XRRA1: variants seen among roughly 807,000 people sequenced by gnomAD.
The protein encoded by XRRA1 is X-ray radiation resistance-associated protein 1.
XRRA1 carries 69 observed loss-of-function variants against 80.2 expected under a neutral mutation model. That is an observed-to-expected ratio of 0.86 (90% CI 0.71 to 1.05). The LOEUF is 1.05. Among genes scored for constraint, XRRA1 ranks in the 50% least tolerant of loss-of-function variants. The pLI, the probability that XRRA1 is intolerant of heterozygous loss-of-function variation, is 0.00. For synonymous variants in XRRA1, 348 were observed against 389.9 expected, an observed-to-expected ratio of 0.89 and a Z score of 1.27; for missense variants, 967 against 976.4, an observed-to-expected ratio of 0.99 and a Z score of 0.13.
At chr11:74,844,450 C>T (rs1416518239) in intron 16 of XRRA1, among the ~76,000 whole-genome samples, 167 bp from the exon 17 acceptor site, 2 of 152,150 alleles carry the variant, frequency 1.3e-5, no homozygotes, top group Admixed American at 1.3e-4. Flanking sequence ...GTTCCAGTGC[C>T]TGAAGTTCCA....
intron 10 of XRRA1, among the ~76,000 whole-genome samples, chr11:74,885,346 A>T (rs2048764587): frequency 6.6e-6 from 1 of 152,228 alleles, no homozygotes; most frequent in African/African-American, 2.4e-5. Flanking sequence ...CTAGATTAAT[A>T]AAAGAAAGAC....
intron 10 of XRRA1, among the ~76,000 whole-genome samples, chr11:74,868,754 CAAA>C (rs1388568131): frequency 2.7e-5 from 4 of 150,160 alleles, no homozygotes; most frequent in Non-Finnish European, 4.4e-5. Context: ...AAAAAAAAGA[CAAA>C]GAAGGATATT....
At chr11:74,850,607 C>A (rs1337392069) in intron 14 of XRRA1, among the ~76,000 whole-genome samples, 1 of 152,216 alleles carries the variant, frequency 6.6e-6, no homozygotes, top group Non-Finnish European at 1.5e-5. Context: ...ATTTCACTTA[C>A]TTTATGGCAA....
intron 10 of XRRA1, among the ~76,000 whole-genome samples, chr11:74,885,690 G>T (rs936291757): frequency 2.0e-5 from 3 of 152,078 alleles, no homozygotes; most frequent in Non-Finnish European, 4.4e-5. Context: ...ATTGAGGAAG[G>T]ACTCCTCCCT....
intron 15 of XRRA1, among the ~76,000 whole-genome samples, chr11:74,847,380 C>A (rs568597393): frequency 6.6e-6 from 1 of 152,216 alleles, no homozygotes; most frequent in Non-Finnish European, 1.5e-5. Context: ...CAAGGGGGCC[C>A]TGCCAACTCT....
Position 74,848,111 on chromosome 11 carries a change from G to A in XRRA1, c.1728+4C>T. The A allele has an allele frequency of 6.2e-7, 1 of 1,604,486 alleles. No individual in the cohort carries two copies. On this transcript the variant is annotated splice_donor_region_variant and intron_variant, in intron 15 of 18. Transcript: ENST00000684022. ...AGTGGGCAGGGGCAGCTGGATACAG[G>A]TACCTGGGTCAGGAAGATGGACTCT... is the stretch of plus-strand genomic sequence containing the variant.
chr11:74,945,629 C>G (rs1185260982), intron 1 of XRRA1, among the ~76,000 whole-genome samples: 1 of 149,838 alleles, frequency 6.7e-6, no homozygotes, highest in Non-Finnish European at 1.5e-5. Context: ...GTTACATTAT[C>G]TAAGACAAGT....
At chr11:74,915,658 T>C (rs935504009) in intron 8 of XRRA1, among the ~76,000 whole-genome samples, 8 of 152,208 alleles carry the variant, frequency 5.3e-5, no homozygotes, top group Non-Finnish European at 1.2e-4. Context: ...TGGATATAGA[T>C]TTGCCTTCCC....
chr11:74,948,101 G>A lies in XRRA1; in HGVS notation c.-73+827C>T, dbSNP rs1330190783. ...GGATATATCCCTGGTGACTAGAATA[G>A]TGCCTGTTACATAGTAAGAAACTCA... On this transcript the variant is annotated intron_variant, in intron 1 of 18. Coordinates refer to ENST00000684022, the MANE Select transcript of XRRA1 (RefSeq NM_001378157.1). 5.3e-5 allele frequency among the ~76,000 whole-genome samples: 8 copies of A among 152,172 alleles called. No homozygotes were observed. The East Asian group carries it at 1.5e-3, about 29-fold the overall frequency.
At chr11:74,861,445 G>C (rs1047186451) in intron 11 of XRRA1, among the ~76,000 whole-genome samples, 3 of 152,170 alleles carry the variant, frequency 2.0e-5, no homozygotes, top group African/African-American at 7.2e-5. Flanking sequence ...AGGGATCTAG[G>C]TTGTGTGCTC....
At chr11:74,883,482 C>G (rs10128626) in intron 10 of XRRA1, among the ~76,000 whole-genome samples, 1,760 of 152,228 alleles carry the variant, frequency 0.012, 48 homozygotes, top group African/African-American at 0.04. Flanking sequence ...CTGTGTCGCT[C>G]ACGCTGGGAG....
chr11:74,906,146 T>C (rs1355831123), intron 10 of XRRA1, 93 bp downstream of exon 10: 1 of 1,212,734 alleles, frequency 8.2e-7, no homozygotes, highest in Admixed American at 2.4e-5. Flanking sequence ...ATTCGTGATA[T>C]TCACCATGAC....
intron 10 of XRRA1, among the ~76,000 whole-genome samples, chr11:74,887,608 C>G (rs1373857847): frequency 6.6e-6 from 1 of 152,128 alleles, no homozygotes; most frequent in Non-Finnish European, 1.5e-5. Context: ...CGAGTGTGAG[C>G]CAAAGCAGGG....
chr11:74,943,559 G>GTGTGTGTGTGTGTGTT (rs1591662938), intron 2 of XRRA1, among the ~76,000 whole-genome samples: 1 of 134,814 alleles, frequency 7.4e-6, no homozygotes, highest in East Asian at 2.0e-4. Flanking sequence ...GTGTGTGTGT[G>GTGTGTGTGTGTGTGTT]TGTATGTGTC....
At chr11:74,881,500 G>A (rs1210681978) in intron 10 of XRRA1, among the ~76,000 whole-genome samples, 2 of 149,350 alleles carry the variant, frequency 1.3e-5, no homozygotes, top group East Asian at 4.0e-4. Flanking sequence ...ATTTGATCCT[G>A]TCATTATGAT....
chr11:74,906,580 G>T, intron 9 of XRRA1, 124 bp from the exon 10 acceptor site: 1 of 1,091,690 alleles, frequency 9.2e-7, no homozygotes, highest in Non-Finnish European at 1.3e-6. Flanking sequence ...GTGTGACGTT[G>T]AGCCGGTGAC....
intron 13 of XRRA1, among the ~76,000 whole-genome samples, chr11:74,851,667 A>G (rs1294037955): frequency 1.3e-5 from 2 of 152,200 alleles, no homozygotes; most frequent in African/African-American, 4.8e-5. Context: ...TGTGGTTCAA[A>G]AGAGCTCATA....
chr11:74,878,734 T>G (rs2046706359), intron 10 of XRRA1, among the ~76,000 whole-genome samples: 1 of 149,872 alleles, frequency 6.7e-6, no homozygotes, highest in Non-Finnish European at 1.5e-5. Flanking sequence ...CTTTCCCCAT[T>G]GCTTGTTTTT....
At chr11:74,850,761 C>T (rs1194921888) in intron 14 of XRRA1, 1 of 163,458 alleles carries the variant, frequency 6.1e-6, no homozygotes, top group Admixed American at 6.0e-5. Context: ...GTCTCAAACT[C>T]CTGCCCTCAA....
Sources: gnomAD v4.1 joint callset for allele counts (sites outside exome capture counted in the v4.1 genomes callset) on GRCh38, gnomAD v4.1.1 for gene constraint, MANE v1.5 for transcripts, NCBI Gene and HGNC (gene_info 2026-07-23, HGNC 2026-07-21) for gene names.